The following DCC variants were observed in gnomAD, a reference collection of about 807,000 sequenced individuals.
The protein encoded by DCC is netrin receptor DCC.
Under a neutral mutation model 172.5 loss-of-function variants are expected in DCC, and 58 were observed. The ratio of observed to expected loss-of-function variants is 0.34; its 90% CI spans 0.27 to 0.42. The LOEUF (loss-of-function observed/expected upper bound fraction) is 0.42, where lower values mean the gene tolerates loss of function less well. Among genes scored for constraint, DCC ranks in the 10% least tolerant of loss-of-function variants. The probability of loss-of-function intolerance (pLI) is 1.00; values close to 1 mark genes in which losing one functional copy is unlikely to be tolerated. For missense variants in DCC, 1,740 were observed against 1,791.0 expected (o/e 0.97, Z 0.51); for synonymous variants, 709 against 644.5 (o/e 1.10, Z -1.52).
intron 2 of DCC, among the ~76,000 whole-genome samples, chr18:52,893,751 G>A (rs1049029787): frequency 1.3e-5 from 2 of 152,090 alleles, no homozygotes; most frequent in African/African-American, 4.8e-5. Context: ...GGAAACATAT[G>A]TTACTATCTG....
At chr18:52,911,737 T>A (rs1163112172) in intron 3 of DCC, among the ~76,000 whole-genome samples, 2 of 151,982 alleles carry the variant, frequency 1.3e-5, no homozygotes, top group African/African-American at 4.8e-5. Context: ...AACATTTTTT[T>A]TTTTGCTGCA....
At chr18:53,428,273 TATA>T (rs1486481007) in intron 21 of DCC, among the ~76,000 whole-genome samples, 1 of 92,556 alleles carries the variant, frequency 1.1e-5, no homozygotes, top group African/African-American at 4.5e-5. Flanking sequence ...TTATATAGAA[TATA>T]ATAAATTATA....
At chr18:53,519,636 A>G (rs1354206) in intron 27 of DCC, among the ~76,000 whole-genome samples, 42,183 of 151,750 alleles carry the variant, frequency 0.28, 8,963 homozygotes, top group African/African-American at 0.58. Context: ...GCTAGGAGCC[A>G]TGGAAGAGAT....
chr18:53,187,314 G>T (rs1162495248), intron 9 of DCC, among the ~76,000 whole-genome samples: 3 of 151,698 alleles, frequency 2.0e-5, no homozygotes, highest in Non-Finnish European at 4.4e-5. Context: ...AGTAGAGACG[G>T]GGTTTCACTA....
chr18:52,683,170 G>A (rs992554805), intron 1 of DCC, among the ~76,000 whole-genome samples: 1 of 152,024 alleles, frequency 6.6e-6, no homozygotes, highest in East Asian at 1.9e-4. Context: ...GCAAGTCTTT[G>A]TCTGTTTGAC....
chr18:53,076,439 A>G (rs1403180056), intron 7 of DCC, among the ~76,000 whole-genome samples: 1 of 152,158 alleles, frequency 6.6e-6, no homozygotes, highest in African/African-American at 2.4e-5. Flanking sequence ...TGCTTAGGGT[A>G]TGGTCTCCAG....
At chr18:52,491,819 A>C (rs2030515992) in intron 1 of DCC, among the ~76,000 whole-genome samples, 1 of 152,070 alleles carries the variant, frequency 6.6e-6, no homozygotes, top group Non-Finnish European at 1.5e-5. Context: ...GTATTAATTT[A>C]AGGATGGCCA....
chr18:52,492,777 A>G (rs150368693), intron 1 of DCC, among the ~76,000 whole-genome samples: 24 of 152,218 alleles, frequency 1.6e-4, no homozygotes, highest in African/African-American at 5.5e-4. Flanking sequence ...CTCATTAACG[A>G]AGGTACAAGG....
At chr18:53,135,747 G>C (rs1466152608) in intron 7 of DCC, among the ~76,000 whole-genome samples, 3 of 152,140 alleles carry the variant, frequency 2.0e-5, no homozygotes, top group African/African-American at 7.2e-5. Context: ...TGGCTGAATG[G>C]AATAACAGAA....
chr18:53,152,564 T>A (rs2144382236), intron 7 of DCC, among the ~76,000 whole-genome samples: 1 of 122,562 alleles, frequency 8.2e-6, no homozygotes, highest in Non-Finnish European at 1.7e-5. Flanking sequence ...TTAAAAAATT[T>A]TTAAAGATGT....
intron 1 of DCC, among the ~76,000 whole-genome samples, chr18:52,723,584 A>G (rs2036505046): frequency 6.6e-6 from 1 of 152,180 alleles, no homozygotes; most frequent in Non-Finnish European, 1.5e-5. Flanking sequence ...TAACTTACAG[A>G]GGGTGAGGCT....
At chr18:52,370,742 T>C (rs1178741659) in intron 1 of DCC, among the ~76,000 whole-genome samples, 1 of 152,162 alleles carries the variant, frequency 6.6e-6, no homozygotes, top group African/African-American at 2.4e-5. Context: ...AAAAAACATG[T>C]AGTAATTAAT....
chr18:53,272,888 T>A (rs1568405090), intron 12 of DCC, among the ~76,000 whole-genome samples: 1 of 152,278 alleles, frequency 6.6e-6, no homozygotes, highest in East Asian at 1.9e-4. Context: ...CAAATTGATA[T>A]ATGATTCTCG....
chr18:52,398,243 T>C (rs898188546), intron 1 of DCC, among the ~76,000 whole-genome samples: 1 of 152,038 alleles, frequency 6.6e-6, no homozygotes, highest in African/African-American at 2.4e-5. Flanking sequence ...TTTAAAGTTA[T>C]GTTAAATAAG....
chr18:52,754,415 A>G (rs1347378961), intron 2 of DCC, among the ~76,000 whole-genome samples: 1 of 152,142 alleles, frequency 6.6e-6, no homozygotes, highest in African/African-American at 2.4e-5. Context: ...CCTTTGAGAG[A>G]TAATTAGATC....
chr18:52,602,165 C>T (rs974384667), intron 1 of DCC, among the ~76,000 whole-genome samples: 2 of 152,056 alleles, frequency 1.3e-5, no homozygotes, highest in African/African-American at 2.4e-5. Flanking sequence ...CTAATGAGCA[C>T]AAATGTGTTT....
intron 12 of DCC, among the ~76,000 whole-genome samples, chr18:53,260,219 C>T (rs183972813): frequency 5.3e-5 from 8 of 152,144 alleles, no homozygotes; most frequent in South Asian, 2.1e-4. Context: ...AGTCATTCTC[C>T]GTCCAGCTTT....
intron 2 of DCC, among the ~76,000 whole-genome samples, chr18:52,796,408 T>A (rs188238849): frequency 5.8e-4 from 89 of 152,252 alleles, no homozygotes; most frequent in Admixed American, 1.2e-3. Flanking sequence ...AGTCTACCAG[T>A]GAGTTTTATA....
chr18:52,476,308 T>TCAAATCA (rs1989092340), intron 1 of DCC, among the ~76,000 whole-genome samples: 1 of 152,232 alleles, frequency 6.6e-6, no homozygotes, highest in Non-Finnish European at 1.5e-5. Context: ...ATCACCTGGC[T>TCAAATCA]GTCGGCATAA....
Sources: gnomAD v4.1 joint callset for allele counts (sites outside exome capture counted in the v4.1 genomes callset) on GRCh38, gnomAD v4.1.1 for gene constraint, MANE v1.5 for transcripts, NCBI Gene and HGNC (gene_info 2026-07-23, HGNC 2026-07-21) for gene names.